UBE3C: variants seen among roughly 807,000 people sequenced by gnomAD.
UBE3C encodes the protein ubiquitin-protein ligase E3C.
A neutral mutation model predicts 129.4 loss-of-function variants in UBE3C; 42 were observed. The observed-to-expected ratio is 0.32, with a 90% CI of 0.25 to 0.42. The LOEUF (loss-of-function observed/expected upper bound fraction) is 0.42, where lower values mean the gene tolerates loss of function less well. Ranked by LOEUF, UBE3C falls within the 10% of genes least tolerant of loss-of-function variation. The pLI is 1.00. For missense variants in UBE3C, 1,049 were observed against 1,319.1 expected (o/e 0.80, Z 3.17); for synonymous variants, 510 against 492.4 (o/e 1.04, Z -0.47).
chr7:157,250,186 C>G (rs1796587380), intron 19 of UBE3C, among the ~76,000 whole-genome samples: 1 of 152,068 alleles, frequency 6.6e-6, no homozygotes, highest in Non-Finnish European at 1.5e-5. Flanking sequence ...ATACACTGTT[C>G]TGTCTACTTT....
chr7:157,175,137 C>CCTTTTTTTTT (rs1301124616), intron 5 of UBE3C, 103 bp downstream of exon 5: 1 of 226,512 alleles, frequency 4.4e-6, no homozygotes, highest in African/African-American at 4.3e-5. Context: ...CTTTTCCATA[C>CCTTTTTTTTT]TTTTTTTTTT....
chr7:157,182,244 T>A lies in UBE3C; in HGVS notation c.907T>A (p.Leu303Ile). ...PYEPFLNALLLIESRCSRKSG... is the reference protein window; with the variant it reads ...PYEPFLNALLIIESRCSRKSG... Reference sequence around the variant, plus strand: ...CGAGCCCTTTCTGAATGCACTGTTGTTAATAGAGAGTAGATGTTCAAGAAA... The same window carrying A: ...CGAGCCCTTTCTGAATGCACTGTTGATAATAGAGAGTAGATGTTCAAGAAA... Residue 303 changes from leucine (L) to isoleucine (I), a missense_variant, in exon 8 of 23, where the codon TTA becomes ATA. Leu to Ile is a conservative substitution (Grantham distance 5). Around this residue, in one of 4 missense-constraint regions of UBE3C, gnomAD observed 489 missense variants for 513.8 expected, o/e 0.95. Coordinates refer to ENST00000348165, the MANE Select transcript of UBE3C (RefSeq NM_014671.3). 6.2e-7 allele frequency: 1 copy of A among 1,614,220 alleles called. No homozygotes were observed. Among genetic ancestry groups the A allele is most frequent in the Non-Finnish European group, 8.5e-7 (1 of 1,180,024 alleles).
chr7:157,204,591 T>G (rs1404522201), intron 11 of UBE3C, among the ~76,000 whole-genome samples: 1 of 152,084 alleles, frequency 6.6e-6, no homozygotes, highest in Non-Finnish European at 1.5e-5. Context: ...GGATAGTGAA[T>G]TTTGACACAT....
At chr7:157,208,204 A>G (rs1162833410) in intron 13 of UBE3C, among the ~76,000 whole-genome samples, 1 of 151,438 alleles carries the variant, frequency 6.6e-6, no homozygotes, top group East Asian at 2.0e-4. Flanking sequence ...CCTCCTGAGT[A>G]GCTGGGGCTA....
chr7:157,254,529 C>A (rs1447263992), intron 21 of UBE3C, among the ~76,000 whole-genome samples: 1 of 151,780 alleles, frequency 6.6e-6, no homozygotes, highest in Non-Finnish European at 1.5e-5. Flanking sequence ...TCCCGAATAG[C>A]TGGGATTACA....
intron 10 of UBE3C, among the ~76,000 whole-genome samples, chr7:157,199,843 T>A (rs927898921): frequency 6.6e-6 from 1 of 152,220 alleles, no homozygotes; most frequent in Non-Finnish European, 1.5e-5. Context: ...GTTACCTGTC[T>A]TAATTGGTCT....
intron 17 of UBE3C, among the ~76,000 whole-genome samples, chr7:157,228,109 T>C (rs776511915): frequency 1.2e-4 from 18 of 152,250 alleles, no homozygotes; most frequent in Admixed American, 6.5e-4. Context: ...ACGTGTCATC[T>C]AGTCATTGAA....
Sources: gnomAD v4.1 joint callset for allele counts (sites outside exome capture counted in the v4.1 genomes callset) on GRCh38, gnomAD v4.1.1 for gene constraint, gnomAD v4.1.1 regional missense constraint, MANE v1.5 for transcripts, NCBI Gene and HGNC (gene_info 2026-07-23, HGNC 2026-07-21) for gene names.